The following SORCS2 variants were observed in gnomAD, a reference collection of about 807,000 sequenced individuals.
SORCS2 encodes sortilin related VPS10 domain containing receptor 2, also known as VPS10 domain-containing receptor SorCS2.
A neutral mutation model predicts 141.6 loss-of-function variants in SORCS2; 100 were observed. That is an observed-to-expected ratio of 0.71 (90% CI 0.60 to 0.83). The LOEUF is 0.83. SORCS2 is among the 40% of genes least tolerant of loss of function. The pLI is 0.00. For missense variants in SORCS2, 1,646 were observed against 1,560.2 expected, an observed-to-expected ratio of 1.05 and a Z score of -0.93; for synonymous variants, 789 against 676.9, an observed-to-expected ratio of 1.17 and a Z score of -2.57.
chr4:7,419,881 G>GT (rs943574894), intron 2 of SORCS2, among the ~76,000 whole-genome samples: 4 of 152,206 alleles, frequency 2.6e-5, no homozygotes, highest in African/African-American at 9.6e-5. Flanking sequence ...CTAGGATGAA[G>GT]TTTCTCACTT....
At chr4:7,500,540 C>T (rs1009950076) in intron 2 of SORCS2, among the ~76,000 whole-genome samples, 2 of 152,044 alleles carry the variant, frequency 1.3e-5, no homozygotes, top group Non-Finnish European at 2.9e-5. Context: ...TAAGAAATAA[C>T]CACAGAGGAT....
chr4:7,261,377 A>C (rs954883340), intron 1 of SORCS2, among the ~76,000 whole-genome samples: 3 of 152,188 alleles, frequency 2.0e-5, no homozygotes, highest in African/African-American at 7.2e-5. Context: ...GGTCAGGCAG[A>C]CGGTGTTGCT....
At chr4:7,394,803 G>A (rs538495495) in intron 1 of SORCS2, among the ~76,000 whole-genome samples, 3 of 152,186 alleles carry the variant, frequency 2.0e-5, no homozygotes, top group Non-Finnish European at 2.9e-5. Flanking sequence ...TCCACCCCCC[G>A]AGGCCAGGGC....
At chr4:7,533,609 G>T (rs1711848904) in intron 3 of SORCS2, among the ~76,000 whole-genome samples, 1 of 152,180 alleles carries the variant, frequency 6.6e-6, no homozygotes, top group Admixed American at 6.5e-5. Flanking sequence ...GTACCTCCAG[G>T]GTCAGCCCTG....
chr4:7,721,986 C>G (rs1726617193), intron 18 of SORCS2, among the ~76,000 whole-genome samples: 1 of 152,162 alleles, frequency 6.6e-6, no homozygotes, highest in African/African-American at 2.4e-5. Context: ...TAGTTTTGTT[C>G]TTTTTCTTTG....
chr4:7,678,375 G>T lies in SORCS2; in HGVS notation c.1341+2146G>T, dbSNP rs1056491320. ...CAGCTGGGTGCCCTCCCAAGGGATG[G>T]CCCTTCTCTGAAAACCATCAAACAT... is the stretch of plus-strand genomic sequence containing the variant. On this transcript the variant is annotated intron_variant, in intron 9 of 26. Transcript: ENST00000507866. Among the ~76,000 whole-genome samples the T allele has an allele frequency of 3.1e-3, 424 of 136,130 alleles. No individual in the cohort carries two copies. In the Middle Eastern group the frequency reaches 0.038, roughly 12 times the overall value. The allele number at this position is 136,130 out of a possible 152,430, so 89.3% of individuals were successfully genotyped here. A position where few individuals can be genotyped will look rare whatever the true frequency, so the allele number is the denominator to read the frequency against.
intron 3 of SORCS2, among the ~76,000 whole-genome samples, chr4:7,582,968 T>TA (rs1716259986): frequency 6.6e-6 from 1 of 152,246 alleles, no homozygotes; most frequent in African/African-American, 2.4e-5. Flanking sequence ...CACAGGGCTG[T>TA]GGCTTCCTAG....
chr4:7,723,034 T>C (rs763147169), intron 18 of SORCS2, among the ~76,000 whole-genome samples: 1 of 151,796 alleles, frequency 6.6e-6, no homozygotes, highest in Non-Finnish European at 1.5e-5. Flanking sequence ...CTTCACTCAA[T>C]CCCCCACCTC....
At chr4:7,389,483 G>A (rs960450701) in intron 1 of SORCS2, among the ~76,000 whole-genome samples, 2 of 152,190 alleles carry the variant, frequency 1.3e-5, no homozygotes, top group Non-Finnish European at 2.9e-5. Flanking sequence ...GATGGGGCGG[G>A]GGTGAGGAAA....
chr4:7,633,322 C>T lies in SORCS2; in HGVS notation c.649-5006C>T, dbSNP rs148367139. On this transcript the variant is annotated intron_variant, in intron 3 of 26. Transcript: ENST00000507866. ...GTGGGAGGTGAAGCTGGACGAGAGG[C>T]GGAGCAGGGACCCCCACCTGCTTGC... 4.3e-3 allele frequency among the ~76,000 whole-genome samples: 649 copies of T among 152,202 alleles called. 4 individuals are homozygous for T. Among genetic ancestry groups the T allele is most frequent in the African/African-American group, 0.014 (593 of 41,520 alleles).
intron 2 of SORCS2, among the ~76,000 whole-genome samples, chr4:7,464,852 A>G (rs777043212): frequency 8.5e-5 from 13 of 152,190 alleles, no homozygotes; most frequent in African/African-American, 1.4e-4. Flanking sequence ...AGAAATGCAG[A>G]TGGGGAATGG....
intron 2 of SORCS2, among the ~76,000 whole-genome samples, chr4:7,499,144 T>G (rs1264064483): frequency 7.0e-5 from 7 of 99,524 alleles, no homozygotes; most frequent in Non-Finnish European, 1.2e-4. Context: ...AGTGGGCAAA[T>G]GTAGCACGAG....
chr4:7,253,871 G>C (rs1713668551), intron 1 of SORCS2, among the ~76,000 whole-genome samples: 1 of 152,198 alleles, frequency 6.6e-6, no homozygotes, highest in African/African-American at 2.4e-5. Flanking sequence ...GGTTCCTTGT[G>C]ACCCGGGTCC....
intron 5 of SORCS2, among the ~76,000 whole-genome samples, chr4:7,655,359 G>A (rs750460730): frequency 6.6e-6 from 1 of 152,212 alleles, no homozygotes; most frequent in Non-Finnish European, 1.5e-5. Flanking sequence ...GAGGGCTCAG[G>A]GCTGGAAGGG....
At chr4:7,486,865 A>G (rs942175651) in intron 2 of SORCS2, among the ~76,000 whole-genome samples, 3 of 152,228 alleles carry the variant, frequency 2.0e-5, no homozygotes, top group East Asian at 1.9e-4. Context: ...CCATGATATA[A>G]TCTCATCATT....
At chr4:7,281,092 C>T (rs951116925) in intron 1 of SORCS2, among the ~76,000 whole-genome samples, 3 of 152,120 alleles carry the variant, frequency 2.0e-5, no homozygotes, top group Non-Finnish European at 4.4e-5. Context: ...TTTTGAAGCA[C>T]GGCCTCATAA....
chr4:7,622,956 A>T (rs1397436791), intron 3 of SORCS2, among the ~76,000 whole-genome samples: 2 of 151,796 alleles, frequency 1.3e-5, no homozygotes, highest in African/African-American at 4.8e-5. Context: ...CCCTGTCCAG[A>T]CCCCAGAGCC....
chr4:7,305,309 G>C (rs1389486860), intron 1 of SORCS2, among the ~76,000 whole-genome samples: 1 of 151,670 alleles, frequency 6.6e-6, no homozygotes, highest in Non-Finnish European at 1.5e-5. Flanking sequence ...GGGATCACAG[G>C]CGTGAGCCAC....
chr4:7,680,170 G>T (rs931874359), intron 9 of SORCS2, among the ~76,000 whole-genome samples: 8 of 152,214 alleles, frequency 5.3e-5, no homozygotes, highest in Non-Finnish European at 1.0e-4. Context: ...CACAGCAAAC[G>T]ATGTGCAGCC....
Sources: allele counts gnomAD v4.1 joint callset (sites outside exome capture counted in the v4.1 genomes callset), GRCh38; gene constraint gnomAD v4.1.1; transcripts MANE v1.5; gene names NCBI Gene and HGNC (gene_info 2026-07-23, HGNC 2026-07-21).